The following NEGR1 variants were observed in gnomAD, a reference collection of about 807,000 sequenced individuals.
NEGR1 encodes IgLON family member 4.
In NEGR1, 10 loss-of-function variants were observed where a neutral mutation model predicts 40.9. That is an observed-to-expected ratio of 0.24 (90% CI 0.15 to 0.42). NEGR1 has a LOEUF of 0.42. Ranked by LOEUF, NEGR1 falls within the 10% of genes least tolerant of loss-of-function variation. The probability of loss-of-function intolerance (pLI) is 1.00; values close to 1 mark genes in which losing one functional copy is unlikely to be tolerated. For missense variants in NEGR1, 352 were observed against 438.9 expected (o/e 0.80, Z 1.77); for synonymous variants, 185 against 166.8 (o/e 1.11, Z -0.84).
At chr1:71,924,558 C>A (rs1645754358) in intron 2 of NEGR1, among the ~76,000 whole-genome samples, 2 of 152,088 alleles carry the variant, frequency 1.3e-5, no homozygotes, top group Admixed American at 1.3e-4. Flanking sequence ...AAGTCAAAAC[C>A]TAAAAGAATG....
chr1:71,477,201 T>C (rs1291889944), intron 6 of NEGR1, among the ~76,000 whole-genome samples: 1 of 152,144 alleles, frequency 6.6e-6, no homozygotes, highest in African/African-American at 2.4e-5. Flanking sequence ...TTAATATTGG[T>C]AATACAAGGT....
intron 1 of NEGR1, among the ~76,000 whole-genome samples, chr1:72,219,402 A>G (rs1653936335): frequency 6.6e-6 from 1 of 152,058 alleles, no homozygotes. Context: ...AATTACTCAT[A>G]TGTAACAATA....
chr1:71,478,922 C>G (rs1646838206), intron 6 of NEGR1, among the ~76,000 whole-genome samples: 1 of 151,898 alleles, frequency 6.6e-6, no homozygotes, highest in Non-Finnish European at 1.5e-5. Context: ...TAGATCAAAC[C>G]TCACCTGAAT....
chr1:71,506,806 C>T (rs944965234), intron 6 of NEGR1, among the ~76,000 whole-genome samples: 6 of 151,788 alleles, frequency 4.0e-5, no homozygotes, highest in Non-Finnish European at 5.9e-5. Flanking sequence ...AAAACAAAAA[C>T]AAAAACAAAA....
At chr1:71,853,133 T>A (rs11209857) in intron 2 of NEGR1, among the ~76,000 whole-genome samples, 63,137 of 151,872 alleles carry the variant, frequency 0.42, 13,216 homozygotes, top group East Asian at 0.58. Flanking sequence ...TATTATATTC[T>A]TATATCTATT....
intron 6 of NEGR1, among the ~76,000 whole-genome samples, chr1:71,551,636 G>A (rs780350023): frequency 1.3e-5 from 2 of 151,434 alleles, no homozygotes; most frequent in East Asian, 2.0e-4. Context: ...TTTCCCACCC[G>A]TGGTAGACAT....
intron 4 of NEGR1, among the ~76,000 whole-genome samples, chr1:71,620,941 G>T (rs1008556703): frequency 1.3e-5 from 2 of 151,852 alleles, no homozygotes; most frequent in African/African-American, 4.8e-5. Context: ...TTACTTCATA[G>T]GATTGGTGTA....
intron 1 of NEGR1, among the ~76,000 whole-genome samples, chr1:72,112,120 C>T (rs1193638406): frequency 1.3e-5 from 2 of 151,668 alleles, no homozygotes; most frequent in Non-Finnish European, 2.9e-5. Flanking sequence ...TTCCACATTC[C>T]ATGGTCTATT....
At chr1:72,210,010 A>G (rs1653541512) in intron 1 of NEGR1, among the ~76,000 whole-genome samples, 1 of 151,976 alleles carries the variant, frequency 6.6e-6, no homozygotes, top group Non-Finnish European at 1.5e-5. Context: ...TGTATAAAAT[A>G]AAATGCGGAT....
intron 1 of NEGR1, among the ~76,000 whole-genome samples, chr1:72,255,645 G>T (rs1655246878): frequency 1.3e-5 from 2 of 149,878 alleles, no homozygotes; most frequent in South Asian, 4.2e-4. Flanking sequence ...CGCCCTCCCG[G>T]GTTCAAGCAA....
intron 1 of NEGR1, among the ~76,000 whole-genome samples, chr1:71,943,560 C>A (rs1645991624): frequency 6.6e-6 from 1 of 151,902 alleles, no homozygotes; most frequent in African/African-American, 2.4e-5. Context: ...CCATGCCAAA[C>A]AATTTTTACA....
intron 6 of NEGR1, among the ~76,000 whole-genome samples, chr1:71,540,743 G>A (rs1031631842): frequency 6.6e-6 from 1 of 151,702 alleles, no homozygotes; most frequent in Admixed American, 6.6e-5. Context: ...TTAAGGTATT[G>A]TTATAAAGAA....
chr1:71,531,762 T>C (rs1259474350), intron 6 of NEGR1, among the ~76,000 whole-genome samples: 2 of 151,434 alleles, frequency 1.3e-5, no homozygotes, highest in African/African-American at 4.8e-5. Flanking sequence ...TGAAAAAGTA[T>C]TCTATAATTT....
intron 6 of NEGR1, among the ~76,000 whole-genome samples, chr1:71,501,796 T>C (rs555553434): frequency 6.6e-5 from 10 of 152,356 alleles, no homozygotes; most frequent in African/African-American, 2.2e-4. Context: ...AGCTCTTTTA[T>C]ATGTTTGCCC....
intron 2 of NEGR1, among the ~76,000 whole-genome samples, chr1:71,876,870 C>T (rs984183714): frequency 6.6e-6 from 1 of 151,876 alleles, no homozygotes; most frequent in Non-Finnish European, 1.5e-5. Flanking sequence ...GATGAGTGAT[C>T]GAATGAGATA....
intron 6 of NEGR1, among the ~76,000 whole-genome samples, chr1:71,567,446 A>AGCCT (rs1648654794): frequency 6.6e-6 from 1 of 152,108 alleles, no homozygotes; most frequent in Non-Finnish European, 1.5e-5. Flanking sequence ...CCTATACTTT[A>AGCCT]ATTTAATAGC....
At chr1:71,619,432 G>A (rs184857586) in intron 4 of NEGR1, among the ~76,000 whole-genome samples, 7 of 152,132 alleles carry the variant, frequency 4.6e-5, no homozygotes, top group Non-Finnish European at 1.0e-4. Flanking sequence ...TTCCAGAACT[G>A]TTTTTCTTTT....
At chr1:72,213,062 G>A (rs1435031329) in intron 1 of NEGR1, among the ~76,000 whole-genome samples, 1 of 151,688 alleles carries the variant, frequency 6.6e-6, no homozygotes, top group Non-Finnish European at 1.5e-5. Context: ...TTAAAGGCAT[G>A]AAAATAAGCA....
chr1:72,116,335 G>A (rs1219444830), intron 1 of NEGR1, among the ~76,000 whole-genome samples: 1 of 151,738 alleles, frequency 6.6e-6, no homozygotes. Context: ...AAGTAACTAT[G>A]ATCTGTAAAG....
Sources: gnomAD v4.1 joint callset for allele counts (sites outside exome capture counted in the v4.1 genomes callset) on GRCh38, gnomAD v4.1.1 for gene constraint, MANE v1.5 for transcripts, NCBI Gene and HGNC (gene_info 2026-07-23, HGNC 2026-07-21) for gene names.